The following IGFBP7 variants were observed in gnomAD, a reference collection of about 807,000 sequenced individuals.
The protein encoded by IGFBP7 is insulin like growth factor binding protein 7, also known as insulin-like growth factor-binding protein 7.
In IGFBP7, 31 loss-of-function variants were observed where a neutral mutation model predicts 29.4. The ratio of observed to expected loss-of-function variants is 1.05; its 90% confidence interval spans 0.79 to 1.42. The LOEUF is 1.42. Among genes scored for constraint, IGFBP7 ranks in the 40% most tolerant of loss-of-function variants. The pLI is 0.00. For missense variants in IGFBP7, 393 were observed against 395.5 expected (o/e 0.99, Z 0.05); for synonymous variants, 172 against 174.9 (o/e 0.98, Z 0.13).
intron 4 of IGFBP7, 23 bp downstream of exon 4, chr4:57,032,403 T>C (rs760272113): frequency 7.4e-6 from 12 of 1,612,364 alleles, no homozygotes; most frequent in Non-Finnish European, 1.0e-5. Flanking sequence ...CATTTTTAAA[T>C]GGCTGTGAGA....
chr4:57,093,912 A>G (rs1297054787), intron 1 of IGFBP7, among the ~76,000 whole-genome samples: 1 of 152,226 alleles, frequency 6.6e-6, no homozygotes, highest in African/African-American at 2.4e-5. Context: ...CACAGGCCAC[A>G]GATGTAAATG....
chr4:57,032,426 CT>C lies in IGFBP7; in HGVS notation c.828del (p.Gly277ValfsTer13). On this transcript the variant is annotated frameshift_variant and splice_region_variant, in exon 4 of 5. Coordinates refer to ENST00000295666, the MANE Select transcript of IGFBP7 (RefSeq NM_001553.3). LOFTEE classifies it high-confidence loss of function. The part of the protein sequence containing the change: ...VDALHEIPVK[K>X]GEGAEL The stretch of plus-strand genomic sequence containing the variant: ...AATGGCTGTGAGATTTATTGTGTAC[CT>C]TTTTTCACTGGTATTTCATGTAAGG... 1 of 1,613,602 alleles carries C rather than the reference CT, an allele frequency of 6.2e-7. No homozygotes were observed. Among genetic ancestry groups the C allele is most frequent in the Non-Finnish European group, 8.5e-7 (1 of 1,179,674 alleles).
At chr4:57,077,876 C>G (rs934400671) in intron 1 of IGFBP7, among the ~76,000 whole-genome samples, 1 of 152,184 alleles carries the variant, frequency 6.6e-6, no homozygotes, top group Non-Finnish European at 1.5e-5. Context: ...ACTCAGGCCT[C>G]GTGGAGTGTT....
chr4:57,109,931 C>G lies in IGFBP7; in HGVS notation c.421G>C (p.Glu141Gln). Residue 141 changes from glutamate to glutamine, a missense_variant, in exon 1 of 5, where the codon GAG (glutamate) becomes CAG (glutamine). Transcript: ENST00000295666. ...CQLRAASQRA[E>Q]SRGEKAITQV... ...GTGATGGCCTTCTCCCCGCGGCTCT[C>G]GGCCCTCTGGCTGGCGGCGCGCAGC... 6.4e-7 allele frequency: 1 copy of G among 1,557,946 alleles called. No homozygotes were observed. The highest frequency in any genetic ancestry group is 8.6e-7 in the Non-Finnish European group (1 of 1,158,308).
chr4:57,032,596 T>C, intron 3 of IGFBP7, 44 bp from the exon 4 acceptor site: 2 of 1,489,060 alleles, frequency 1.3e-6, no homozygotes, highest in Non-Finnish European at 1.9e-6. Context: ...GGTGGTCTTC[T>C]CTTTTGTCAG....
intron 2 of IGFBP7, among the ~76,000 whole-genome samples, chr4:57,037,818 G>C (rs1314798234): frequency 6.6e-6 from 1 of 152,058 alleles, no homozygotes; most frequent in Non-Finnish European, 1.5e-5. Context: ...GAACTGCAAC[G>C]GAGCTTTTCA....
chr4:57,040,757 A>G, intron 2 of IGFBP7, 67 bp downstream of exon 2: 1 of 1,134,360 alleles, frequency 8.8e-7, no homozygotes, highest in Non-Finnish European at 1.3e-6. Context: ...TTAACGTTTT[A>G]CCATCCTTGT....
chr4:57,056,798 C>T (rs1724684817), intron 1 of IGFBP7, among the ~76,000 whole-genome samples: 1 of 152,170 alleles, frequency 6.6e-6, no homozygotes, highest in African/African-American at 2.4e-5. Flanking sequence ...ATTGCAGTGG[C>T]ATGGAAATAC....
At chr4:57,093,877 T>C (rs760681512) in intron 1 of IGFBP7, among the ~76,000 whole-genome samples, 30 of 152,182 alleles carry the variant, frequency 2.0e-4, no homozygotes, top group Non-Finnish European at 3.7e-4. Context: ...TATAAGCTCA[T>C]AGAGTCTGCA....
intron 1 of IGFBP7, among the ~76,000 whole-genome samples, chr4:57,057,819 G>C (rs951748399): frequency 9.9e-5 from 15 of 152,196 alleles, no homozygotes; most frequent in Non-Finnish European, 1.3e-4. Flanking sequence ...CAACAAAGGG[G>C]AAGAGGTAGA....
intron 1 of IGFBP7, among the ~76,000 whole-genome samples, chr4:57,052,068 T>G (rs918825819): frequency 6.6e-6 from 1 of 151,772 alleles, no homozygotes; most frequent in Non-Finnish European, 1.5e-5. Context: ...AAAGTGGGAG[T>G]GTCATGATTC....
chr4:57,043,880 A>C (rs1011864914), intron 1 of IGFBP7, among the ~76,000 whole-genome samples: 1 of 152,184 alleles, frequency 6.6e-6, no homozygotes, highest in Non-Finnish European at 1.5e-5. Context: ...CTCTAGGGCT[A>C]TGGGACCCCA....
intron 1 of IGFBP7, among the ~76,000 whole-genome samples, chr4:57,088,697 T>C (rs1259666220): frequency 6.6e-6 from 1 of 152,066 alleles, no homozygotes; most frequent in African/African-American, 2.4e-5. Flanking sequence ...TAAGCAATAT[T>C]GTCCCCACTT....
At chr4:57,080,770 G>A (rs986531589) in intron 1 of IGFBP7, among the ~76,000 whole-genome samples, 3 of 152,124 alleles carry the variant, frequency 2.0e-5, no homozygotes, top group African/African-American at 7.2e-5. Context: ...TATGCCTACC[G>A]TGCACACCGA....
intron 2 of IGFBP7, among the ~76,000 whole-genome samples, chr4:57,034,578 T>G (rs1427726287): frequency 6.6e-6 from 1 of 151,900 alleles, no homozygotes. Flanking sequence ...AATATATAAA[T>G]AAATATATAC....
intron 1 of IGFBP7, among the ~76,000 whole-genome samples, chr4:57,084,834 A>G: frequency 8.5e-6 from 1 of 117,238 alleles, no homozygotes; most frequent in Non-Finnish European, 1.6e-5. Context: ...TGTGTTGCCC[A>G]GGCTGGATTA....
intron 1 of IGFBP7, among the ~76,000 whole-genome samples, chr4:57,089,891 C>T (rs370034466): frequency 3.3e-5 from 5 of 152,084 alleles, no homozygotes; most frequent in Non-Finnish European, 5.9e-5. Context: ...TTAATGATGA[C>T]GATGATCTGA....
chr4:57,039,643 C>CT (rs10716496), intron 2 of IGFBP7, among the ~76,000 whole-genome samples: 8,565 of 128,556 alleles, frequency 0.067, 392 homozygotes, highest in East Asian at 0.16. Context: ...AATTCACACT[C>CT]TTTTTTTTTT....
intron 1 of IGFBP7, among the ~76,000 whole-genome samples, chr4:57,050,810 G>A (rs938961807): frequency 6.6e-6 from 1 of 150,480 alleles, no homozygotes; most frequent in African/African-American, 2.5e-5. Flanking sequence ...CTCCCTCCTC[G>A]GCCTCTCAAA....
Sources: allele counts gnomAD v4.1 joint callset (sites outside exome capture counted in the v4.1 genomes callset), GRCh38; gene constraint gnomAD v4.1.1; transcripts MANE v1.5; gene names NCBI Gene and HGNC (gene_info 2026-07-23, HGNC 2026-07-21).